The following GCNT1 variants were observed in gnomAD, a reference collection of about 807,000 sequenced individuals.
The protein encoded by GCNT1 is beta-1,3-galactosyl-O-glycosyl-glycoprotein beta-1,6-N-acetylglucosaminyltransferase.
In GCNT1, 16 loss-of-function variants were observed where a neutral mutation model predicts 26.2. That is an observed-to-expected ratio of 0.61 (90% CI 0.41 to 0.93). The LOEUF (loss-of-function observed/expected upper bound fraction) is 0.93, where lower values mean the gene tolerates loss of function less well. Among genes scored for constraint, GCNT1 ranks in the 40% least tolerant of loss-of-function variants. The probability of loss-of-function intolerance (pLI) is 0.00; values close to 1 mark genes in which losing one functional copy is unlikely to be tolerated. For missense variants in GCNT1, 477 were observed against 526.7 expected, an observed-to-expected ratio of 0.91 and a Z score of 0.92; for synonymous variants, 183 against 190.8, an observed-to-expected ratio of 0.96 and a Z score of 0.34.
the GCNT1 span, among the ~76,000 whole-genome samples, chr9:76,412,035 T>C: frequency 6.6e-6 from 1 of 152,290 alleles, no homozygotes; most frequent in African/African-American, 2.4e-5. Context: ...ATTTTTTGGT[T>C]GCTATACAGT....
At chr9:76,401,648 G>A in the GCNT1 span, among the ~76,000 whole-genome samples, 1 of 152,166 alleles carries the variant, frequency 6.6e-6, no homozygotes, top group Non-Finnish European at 1.5e-5. Flanking sequence ...TTATTATCAT[G>A]TATATTTTAT....
At chr9:76,457,025 GACAA>G (rs1293797873), upstream of GCNT1, among the ~76,000 whole-genome samples, 1 of 152,124 alleles carries the variant, frequency 6.6e-6, no homozygotes, top group Non-Finnish European at 1.5e-5. Context: ...GTATCCAACT[GACAA>G]ACAAGATATA....
chr9:76,400,989 C>T, the GCNT1 span, among the ~76,000 whole-genome samples: 1 of 152,174 alleles, frequency 6.6e-6, no homozygotes, highest in Non-Finnish European at 1.5e-5. Flanking sequence ...ATCACCATAG[C>T]ACCTCATAAA....
chr9:76,452,008 G>T (rs1389709310), intron 1 of GCNT1, among the ~76,000 whole-genome samples: 1 of 128,682 alleles, frequency 7.8e-6, no homozygotes, highest in African/African-American at 3.0e-5. Flanking sequence ...TCTCTCTGTC[G>T]CCCAGGCTGG....
At chr9:76,428,889 G>A (rs182401205) in intron 1 of GCNT1, among the ~76,000 whole-genome samples, 228 of 152,056 alleles carry the variant, frequency 1.5e-3, no homozygotes, top group South Asian at 3.5e-3. Context: ...TAGTAGAGAC[G>A]AGGTTTCTCC....
In GCNT1 at chr9:76,502,426, C is replaced by T. The variant is rs1825102234; in HGVS notation, c.45C>T (p.Thr15=). 3.1e-6 allele frequency: 5 copies of T among 1,613,252 alleles called. No individual in the cohort carries two copies. The highest frequency in any genetic ancestry group is 1.7e-5 in the Admixed American group (1 of 59,878). The part of the protein sequence containing the change: ...LLRRRLFSYP[T]KYYFMVLVLS... ...GAAGGAGACTTTTTTCTTATCCCACCAAATACTACTTTATGGTTCTTGTTT... is the reference window on the plus strand; with the variant it reads ...GAAGGAGACTTTTTTCTTATCCCACTAAATACTACTTTATGGTTCTTGTTT... The change falls in exon 4 of 4, where the codon ACC becomes ACT. Residue 15 remains threonine, a synonymous_variant. Coordinates refer to ENST00000376730, the MANE Select transcript of GCNT1 (RefSeq NM_001490.5).
At chr9:76,421,683 T>G (rs1016390709) in intron 1 of GCNT1, among the ~76,000 whole-genome samples, 1 of 130,096 alleles carries the variant, frequency 7.7e-6, no homozygotes, top group African/African-American at 2.9e-5. Flanking sequence ...AATTTGTTTG[T>G]AGGTTGTTTT....
At chr9:76,437,859 A>G (rs562906453), upstream of GCNT1, among the ~76,000 whole-genome samples, 71 of 152,340 alleles carry the variant, frequency 4.7e-4, no homozygotes, top group African/African-American at 1.7e-3. Flanking sequence ...TATGTGACAC[A>G]ATGGTTTAGC....
At chr9:76,424,295 CCTGCCTCGGG>C (rs1216836298) in intron 1 of GCNT1, among the ~76,000 whole-genome samples, 1 of 152,168 alleles carries the variant, frequency 6.6e-6, no homozygotes, top group Non-Finnish European at 1.5e-5. Context: ...GCAGCAGGAG[CCTGCCTCGGG>C]TGCACATTTG....
intron 2 of GCNT1, among the ~76,000 whole-genome samples, chr9:76,491,684 G>T (rs1182382263): frequency 6.6e-6 from 1 of 152,166 alleles, no homozygotes. Flanking sequence ...TATAGGTTAA[G>T]GTCAGGATTA....
chr9:76,441,334 C>T (rs1288891887), upstream of GCNT1, among the ~76,000 whole-genome samples: 2 of 151,958 alleles, frequency 1.3e-5, no homozygotes, highest in East Asian at 2.0e-4. Context: ...TTAGTAGAGA[C>T]GGGGTTTTAC....
At chr9:76,466,401 C>G (rs1587428548) in intron 2 of GCNT1, among the ~76,000 whole-genome samples, 1 of 152,154 alleles carries the variant, frequency 6.6e-6, no homozygotes, top group Non-Finnish European at 1.5e-5. Context: ...CTCTGGGGCT[C>G]ATGCCATCCT....
At chr9:76,469,765 G>T (rs1824090945) in intron 2 of GCNT1, among the ~76,000 whole-genome samples, 1 of 152,136 alleles carries the variant, frequency 6.6e-6, no homozygotes, top group African/African-American at 2.4e-5. Flanking sequence ...CTAAGTGCCT[G>T]GGTTCATCCT....
upstream of GCNT1, among the ~76,000 whole-genome samples, chr9:76,456,802 A>G (rs1468088734): frequency 6.6e-6 from 1 of 152,086 alleles, no homozygotes; most frequent in East Asian, 1.9e-4. Context: ...GTGAAACCCT[A>G]TCTCTACAAA....
At chr9:76,431,831 C>T (rs925815801) in intron 1 of GCNT1, among the ~76,000 whole-genome samples, 5 of 152,122 alleles carry the variant, frequency 3.3e-5, no homozygotes, top group Non-Finnish European at 5.9e-5. Flanking sequence ...AATTCCAGGC[C>T]AGCCACGTTG....
intron 1 of GCNT1, among the ~76,000 whole-genome samples, chr9:76,447,565 T>C (rs1292573887): frequency 1.3e-5 from 2 of 152,124 alleles, no homozygotes; most frequent in Non-Finnish European, 2.9e-5. Flanking sequence ...CTTTAGTATA[T>C]ACCTCTAACA....
chr9:76,413,864 G>C, the GCNT1 span, among the ~76,000 whole-genome samples: 1 of 151,884 alleles, frequency 6.6e-6, no homozygotes, highest in Non-Finnish European at 1.5e-5. Context: ...TTGTCTCACA[G>C]TTCTTGGATA....
In GCNT1 at chr9:76,428,139, G is replaced by T. The variant is rs1006576390; in HGVS notation, n.38+8252G>T. ...AAATTAGCCGCGCGTGGTGGCGGGC[G>T]CCTGTAGTCCCAGCTACTCAGGAGG... On this transcript the variant is annotated intron_variant and non_coding_transcript_variant, in intron 1 of 3. Coordinates refer to the GCNT1 transcript ENST00000488136. 7.9e-5 allele frequency among the ~76,000 whole-genome samples: 12 copies of T among 151,448 alleles called. No individual in the cohort carries two copies. In the East Asian group the frequency reaches 2.3e-3, roughly 29 times the overall value.
chr9:76,427,250 G>T (rs1388979104), intron 1 of GCNT1, among the ~76,000 whole-genome samples: 1 of 149,902 alleles, frequency 6.7e-6, no homozygotes, highest in Non-Finnish European at 1.5e-5. Flanking sequence ...AGGCTGGAGT[G>T]TAGTGGCACA....
Sources: allele counts gnomAD v4.1 joint callset (sites outside exome capture counted in the v4.1 genomes callset), GRCh38; gene constraint gnomAD v4.1.1; transcripts MANE v1.5; gene names NCBI Gene and HGNC (gene_info 2026-07-23, HGNC 2026-07-21).